KDM7A: variants seen among roughly 807,000 people sequenced by gnomAD.
KDM7A encodes lysine-specific demethylase 7A.
A neutral mutation model predicts 114.8 loss-of-function variants in KDM7A; 28 were observed. The ratio of observed to expected loss-of-function variants is 0.24; its 90% CI spans 0.18 to 0.33. The LOEUF (loss-of-function observed/expected upper bound fraction) is 0.33. Among genes scored for constraint, KDM7A ranks in the 10% least tolerant of loss-of-function variants. The probability of loss-of-function intolerance (pLI) is 1.00; values close to 1 mark genes in which losing one functional copy is unlikely to be tolerated. For missense variants in KDM7A, 942 were observed against 1,142.5 expected (o/e 0.82, Z 2.53); for synonymous variants, 423 against 397.8 (o/e 1.06, Z -0.75).
intron 1 of KDM7A, among the ~76,000 whole-genome samples, chr7:140,171,020 T>C (rs1034038723): frequency 3.3e-5 from 5 of 149,366 alleles, no homozygotes; most frequent in African/African-American, 1.2e-4. Context: ...CACTCAGGAG[T>C]TCAAGATCAG....
At chr7:140,168,510 G>A (rs1211959527) in intron 1 of KDM7A, among the ~76,000 whole-genome samples, 2 of 151,824 alleles carry the variant, frequency 1.3e-5, no homozygotes, top group African/African-American at 4.8e-5. Flanking sequence ...CGAGGCTGCA[G>A]TGAGCCAAGA....
intron 17 of KDM7A, among the ~76,000 whole-genome samples, chr7:140,096,321 A>G (rs1484589672): frequency 6.6e-6 from 1 of 152,220 alleles, no homozygotes; most frequent in Non-Finnish European, 1.5e-5. Flanking sequence ...TGCAATAACA[A>G]TGGTAGAATG....
intron 1 of KDM7A, among the ~76,000 whole-genome samples, chr7:140,170,434 C>T (rs1305069396): frequency 6.6e-6 from 1 of 152,212 alleles, no homozygotes. Context: ...CTGGCTGCAG[C>T]CAAGGAGGAA....
chr7:140,112,752 C>T lies in KDM7A; in HGVS notation c.1338+739G>A, dbSNP rs143557425. Among the ~76,000 whole-genome samples the T allele has an allele frequency of 1.3e-4, 20 of 152,272 alleles. 1 individual carries two copies. Among genetic ancestry groups the T allele is most frequent in the African/African-American group, 3.4e-4 (14 of 41,558 alleles). On this transcript the variant is annotated intron_variant, in intron 10 of 19. Coordinates refer to ENST00000397560, the MANE Select transcript of KDM7A (RefSeq NM_030647.2). ...CAGTCCCTGTTCAAGAGCTCACAGACCCAGTTGAAGGAAACACAAATATAT... is the reference window on the plus strand; with the variant it reads ...CAGTCCCTGTTCAAGAGCTCACAGATCCAGTTGAAGGAAACACAAATATAT...
intron 1 of KDM7A, among the ~76,000 whole-genome samples, chr7:140,171,571 A>ATCTT (rs1794641250): frequency 1.9e-5 from 1 of 51,808 alleles, no homozygotes; most frequent in African/African-American, 7.1e-5. Flanking sequence ...TTATATATTT[A>ATCTT]TATATATATA....
chr7:140,121,444 A>C (rs1818616646), intron 7 of KDM7A, among the ~76,000 whole-genome samples: 1 of 152,382 alleles, frequency 6.6e-6, no homozygotes, highest in East Asian at 1.9e-4. Flanking sequence ...CTCACTTTCA[A>C]GTGTGCCCAT....
intron 1 of KDM7A, among the ~76,000 whole-genome samples, chr7:140,167,637 T>A (rs1794593063): frequency 6.6e-6 from 1 of 151,984 alleles, no homozygotes; most frequent in Non-Finnish European, 1.5e-5. Context: ...TAGTGATCCA[T>A]TTAGAAGCTT....
intron 18 of KDM7A, chr7:140,092,280 T>A (rs1307262934): frequency 1.6e-5 from 4 of 257,758 alleles, no homozygotes; most frequent in African/African-American, 1.1e-4. Context: ...AGTTGCATCG[T>A]TAAGTTAAGA....
chr7:140,128,196 GATTA>G (rs1340420789), intron 4 of KDM7A, among the ~76,000 whole-genome samples: 5 of 152,178 alleles, frequency 3.3e-5, no homozygotes, highest in Non-Finnish European at 5.9e-5. Context: ...TCCAAATTGT[GATTA>G]ATTTACAGTT....
At chr7:140,115,205 G>C (rs144339582) in intron 9 of KDM7A, among the ~76,000 whole-genome samples, 1 of 149,378 alleles carries the variant, frequency 6.7e-6, no homozygotes, top group East Asian at 2.1e-4. Flanking sequence ...CAGCCGCCCC[G>C]TCCGGGAGGT....
intron 1 of KDM7A, among the ~76,000 whole-genome samples, chr7:140,147,536 C>T (rs765548978): frequency 4.6e-5 from 7 of 152,050 alleles, no homozygotes; most frequent in Non-Finnish European, 8.8e-5. Context: ...AGAAATTCAC[C>T]TTCTCATCCA....
intron 1 of KDM7A, among the ~76,000 whole-genome samples, chr7:140,145,684 T>A (rs1794332126): frequency 6.6e-6 from 1 of 152,162 alleles, no homozygotes; most frequent in Non-Finnish European, 1.5e-5. Flanking sequence ...AGAAACTCAA[T>A]GTTAACAGAT....
intron 1 of KDM7A, among the ~76,000 whole-genome samples, chr7:140,174,753 A>G (rs1794683242): frequency 6.6e-6 from 1 of 152,094 alleles, no homozygotes; most frequent in South Asian, 2.1e-4. Context: ...GACATGCACC[A>G]CCACGCCCAG....
Position 140,097,051 on chromosome 7 carries a change from A to G in KDM7A, c.2017-4T>C. On this transcript the variant is annotated splice_region_variant and splice_polypyrimidine_tract_variant and intron_variant, in intron 15 of 19. Coordinates refer to ENST00000397560, the MANE Select transcript of KDM7A (RefSeq NM_030647.2). ...CTTCAGTGGTAAAGATACTTTTCTGAGATGATAATTACATGGAAACAAAGC... is the reference window on the plus strand; with the variant it reads ...CTTCAGTGGTAAAGATACTTTTCTGGGATGATAATTACATGGAAACAAAGC... The G allele has an allele frequency of 1.2e-6, 2 of 1,606,622 alleles. No individual in the cohort carries two copies. Among genetic ancestry groups the G allele is most frequent in the South Asian group, 1.1e-5 (1 of 90,380 alleles).
chr7:140,149,557 T>C lies in KDM7A; in HGVS notation c.195-10367A>G, dbSNP rs146885667. ...CCTGTGGTGAAAAGGACAGTGAAAT[T>C]CTCAAGTTAATACTCTCTTATTCCT... On this transcript the variant is annotated intron_variant, in intron 1 of 19. Coordinates refer to ENST00000397560, the MANE Select transcript of KDM7A (RefSeq NM_030647.2). Among the ~76,000 whole-genome samples the C allele has an allele frequency of 3.3e-5, 5 of 152,342 alleles. No homozygotes were observed. In the East Asian group the frequency reaches 9.6e-4, roughly 29 times the overall value.
chr7:140,161,323 C>T (rs1369539880), intron 1 of KDM7A, among the ~76,000 whole-genome samples: 1 of 152,232 alleles, frequency 6.6e-6, no homozygotes, highest in Non-Finnish European at 1.5e-5. Flanking sequence ...GTTTCCAAAA[C>T]CATTGATGGA....
Position 140,086,994 on chromosome 7 carries a change from G to T in KDM7A, c.*4100C>A, listed in dbSNP as rs1817938587. The T allele has an allele frequency of 6.6e-6, 1 of 152,198 alleles. No homozygotes were observed. The highest frequency in any genetic ancestry group is 2.4e-5 in the African/African-American group (1 of 41,440). 9.4% of individuals were successfully genotyped at this position (152,198 alleles called of 1,614,324 possible). A position where few individuals can be genotyped will look rare whatever the true frequency, so the allele number is the denominator to read the frequency against. ...GATATTCCAATCAACTCTATCTATAGTCTTACTGCTGCAGAGAGCATCTTT... is the reference window on the plus strand; with the variant it reads ...GATATTCCAATCAACTCTATCTATATTCTTACTGCTGCAGAGAGCATCTTT... On this transcript the variant is annotated 3_prime_UTR_variant, in exon 20 of 20. Coordinates refer to ENST00000397560, the MANE Select transcript of KDM7A (RefSeq NM_030647.2).
At chr7:140,172,884 T>C (rs1794662025) in intron 1 of KDM7A, among the ~76,000 whole-genome samples, 2 of 152,204 alleles carry the variant, frequency 1.3e-5, no homozygotes, top group South Asian at 4.1e-4. Flanking sequence ...ATTAATAAAA[T>C]AGTGGTAATC....
intron 11 of KDM7A, among the ~76,000 whole-genome samples, chr7:140,104,045 G>A (rs557548676): frequency 4.0e-4 from 61 of 152,166 alleles, no homozygotes; most frequent in Middle Eastern, 6.8e-3. Flanking sequence ...TTTGATTTGC[G>A]TTTCTCTGAT....
Sources: allele counts gnomAD v4.1 joint callset (sites outside exome capture counted in the v4.1 genomes callset), GRCh38; gene constraint gnomAD v4.1.1; transcripts MANE v1.5; gene names NCBI Gene and HGNC (gene_info 2026-07-23, HGNC 2026-07-21).